The following TM4SF4 variants were observed in gnomAD, a reference collection of about 807,000 sequenced individuals.
TM4SF4 encodes the protein transmembrane 4 L six family member 4, also known as transmembrane 4 L6 family member 4.
In TM4SF4, 24 loss-of-function variants were observed where a neutral mutation model predicts 24.1. That is an observed-to-expected ratio of 1.00 (90% CI 0.72 to 1.40). TM4SF4 has a LOEUF of 1.40. Ranked by LOEUF, TM4SF4 falls within the 40% of genes most tolerant of loss-of-function variation. TM4SF4 has a pLI of 0.00. For missense variants in TM4SF4, 254 were observed against 254.2 expected (o/e 1.00, Z 0.01); for synonymous variants, 113 against 97.0 (o/e 1.17, Z -0.97).
chr3:149,476,639 G>T (rs1291451047), intron 2 of TM4SF4, among the ~76,000 whole-genome samples: 1 of 152,120 alleles, frequency 6.6e-6, no homozygotes, highest in Admixed American at 6.5e-5. Context: ...TCTCAAGTAT[G>T]GGACAAGCTC....
intron 3 of TM4SF4, 104 bp downstream of exon 3, chr3:149,487,859 A>C: frequency 6.7e-7 from 1 of 1,491,230 alleles, no homozygotes; most frequent in South Asian, 1.3e-5. Flanking sequence ...ATCCTTATGC[A>C]AGCCTCAGGC....
chr3:149,500,476 T>C (rs1425101546), intron 4 of TM4SF4, among the ~76,000 whole-genome samples: 1 of 152,194 alleles, frequency 6.6e-6, no homozygotes, highest in Admixed American at 6.5e-5. Context: ...TCTACAAATT[T>C]TCAGTTCTAC....
intron 2 of TM4SF4, among the ~76,000 whole-genome samples, chr3:149,485,438 A>G (rs1450533126): frequency 1.3e-5 from 2 of 152,232 alleles, no homozygotes; most frequent in South Asian, 2.1e-4. Flanking sequence ...CAATAAGGGG[A>G]AAAATCTAAA....
chr3:149,492,723 T>A (rs1273560418), intron 3 of TM4SF4, among the ~76,000 whole-genome samples: 1 of 151,996 alleles, frequency 6.6e-6, no homozygotes, highest in South Asian at 2.1e-4. Context: ...ACCGAGACAC[T>A]GAACTGAACA....
At chr3:149,475,165 C>A in intron 1 of TM4SF4, 114 bp downstream of exon 1, 1 of 1,182,676 alleles carries the variant, frequency 8.5e-7, no homozygotes, top group Non-Finnish European at 1.2e-6. Context: ...GAAGCTCAAG[C>A]ATTGCATGGT....
intron 3 of TM4SF4, chr3:149,495,587 T>C: frequency 2.8e-6 from 1 of 352,590 alleles, no homozygotes; most frequent in South Asian, 3.0e-5. Flanking sequence ...ATTTTTGTAA[T>C]GGCAACATTG....
At chr3:149,483,317 A>T (rs1349724453) in intron 2 of TM4SF4, among the ~76,000 whole-genome samples, 1 of 152,154 alleles carries the variant, frequency 6.6e-6, no homozygotes, top group Non-Finnish European at 1.5e-5. Context: ...TCTCAGTAAG[A>T]ATTGTAGGCC....
In TM4SF4 at chr3:149,487,706, C is replaced by T; in HGVS notation, c.352C>T (p.Pro118Ser). The T allele has an allele frequency of 6.2e-7, 1 of 1,614,014 alleles. No individual in the cohort carries two copies. Residue 118 changes from proline to serine, a missense_variant, in exon 3 of 5, where the codon CCT (proline) becomes TCT (serine). Transcript: ENST00000305354. ...IISAISINKG[P>S]KCLMANSTWG... ...CTCAGCCATTTCAATCAACAAGGGT[C>T]CTAAATGCCTCATGGCCAATAGTAC... is the stretch of plus-strand genomic sequence containing the variant.
At chr3:149,500,441 A>T (rs1734396654) in intron 4 of TM4SF4, among the ~76,000 whole-genome samples, 1 of 152,080 alleles carries the variant, frequency 6.6e-6, no homozygotes, top group Non-Finnish European at 1.5e-5. Context: ...TTACAAATAA[A>T]TTTCACTGTG....
At chr3:149,492,984 A>G (rs1293754713) in intron 3 of TM4SF4, among the ~76,000 whole-genome samples, 3 of 152,150 alleles carry the variant, frequency 2.0e-5, no homozygotes, top group Non-Finnish European at 4.4e-5. Context: ...GCCATATACC[A>G]TTTATCTCTC....
At chr3:149,484,745 G>T (rs1293542205) in intron 2 of TM4SF4, among the ~76,000 whole-genome samples, 1 of 151,946 alleles carries the variant, frequency 6.6e-6, no homozygotes. Flanking sequence ...ATAGAGATGG[G>T]GTTTCACCAT....
intron 2 of TM4SF4, among the ~76,000 whole-genome samples, chr3:149,480,152 G>C (rs1468933966): frequency 6.6e-6 from 1 of 151,790 alleles, no homozygotes; most frequent in Non-Finnish European, 1.5e-5. Flanking sequence ...CCCGGCCTGG[G>C]TTTGTTTTCA....
In TM4SF4 at chr3:149,502,654, A is replaced by G. The variant is rs913807397; in HGVS notation, c.592-22A>G. The G allele has an allele frequency of 5.7e-6, 9 of 1,590,526 alleles. No individual in the cohort carries two copies. In the East Asian group the frequency reaches 2.0e-4, roughly 36 times the overall value. On this transcript the variant is annotated intron_variant, in intron 4 of 4. Coordinates refer to ENST00000305354, the MANE Select transcript of TM4SF4 (RefSeq NM_004617.4). ...TACATAAATCATGACATCATAGTTA[A>G]TTCACCTTTTCTACCTTCTAGGGAG...
intron 3 of TM4SF4, among the ~76,000 whole-genome samples, chr3:149,491,673 C>T (rs1019228690): frequency 2.0e-5 from 3 of 152,088 alleles, no homozygotes; most frequent in Non-Finnish European, 4.4e-5. Context: ...GGTTCCTTTC[C>T]TATCAGCATA....
chr3:149,496,239 T>G (rs1734308215), intron 3 of TM4SF4, among the ~76,000 whole-genome samples: 1 of 152,092 alleles, frequency 6.6e-6, no homozygotes, highest in African/African-American at 2.4e-5. Flanking sequence ...AGATGGGGTC[T>G]CACTCTGTCA....
At chr3:149,485,769 G>C (rs1366691664) in intron 2 of TM4SF4, among the ~76,000 whole-genome samples, 4 of 151,828 alleles carry the variant, frequency 2.6e-5, no homozygotes, top group African/African-American at 9.7e-5. Flanking sequence ...ACTCAGCCTG[G>C]GTGACAGGGC....
At chr3:149,501,800 T>A (rs1229268727) in intron 4 of TM4SF4, among the ~76,000 whole-genome samples, 1 of 152,226 alleles carries the variant, frequency 6.6e-6, no homozygotes, top group Non-Finnish European at 1.5e-5. Flanking sequence ...GATCAACATC[T>A]ATCCATTCAG....
chr3:149,498,963 G>A (rs1296971687), intron 4 of TM4SF4, 52 bp downstream of exon 4: 6 of 1,594,860 alleles, frequency 3.8e-6, no homozygotes, highest in African/African-American at 2.7e-5. Flanking sequence ...GCCAGGTCAG[G>A]CCACTAGCAT....
At chr3:149,484,951 AAT>A (rs1161970046) in intron 2 of TM4SF4, among the ~76,000 whole-genome samples, 1 of 152,218 alleles carries the variant, frequency 6.6e-6, no homozygotes, top group Admixed American at 6.5e-5. Flanking sequence ...ATAATTAATA[AAT>A]ATGTGTTAAG....
Sources: gnomAD v4.1 joint callset for allele counts (sites outside exome capture counted in the v4.1 genomes callset) on GRCh38, gnomAD v4.1.1 for gene constraint, MANE v1.5 for transcripts, NCBI Gene and HGNC (gene_info 2026-07-23, HGNC 2026-07-21) for gene names.